Variants in AHI1 observed in about 807,000 individuals in gnomAD.
AHI1 encodes Abelson helper integration site 1.
A neutral mutation model predicts 149.3 loss-of-function variants in AHI1; 123 were observed. The observed-to-expected ratio is 0.82, with a 90% CI of 0.71 to 0.96. The LOEUF (loss-of-function observed/expected upper bound fraction) is 0.96. Among genes scored for constraint, AHI1 ranks in the 40% least tolerant of loss-of-function variants. The probability of loss-of-function intolerance (pLI) is 0.00; values close to 1 mark genes in which losing one functional copy is unlikely to be tolerated. For synonymous variants in AHI1, 475 were observed against 459.8 expected (o/e 1.03, Z -0.42); for missense variants, 1,439 against 1,422.7 (o/e 1.01, Z -0.18).
At chr6:135,320,641 T>C (rs555308546) in intron 25 of AHI1, among the ~76,000 whole-genome samples, 1 of 152,318 alleles carries the variant, frequency 6.6e-6, no homozygotes, top group African/African-American at 2.4e-5. Context: ...CCTCTCAAGA[T>C]CTGCAAGCCT....
intron 23 of AHI1, among the ~76,000 whole-genome samples, chr6:135,378,069 GA>G (rs1776204145): frequency 6.6e-6 from 1 of 151,952 alleles, no homozygotes; most frequent in African/African-American, 2.4e-5. Flanking sequence ...TTTACAATTA[GA>G]AAAAAACATA....
intron 24 of AHI1, among the ~76,000 whole-genome samples, chr6:135,327,229 A>T (rs1787842663): frequency 6.6e-6 from 1 of 152,176 alleles, no homozygotes; most frequent in Non-Finnish European, 1.5e-5. Context: ...TGAACCACTT[A>T]CTACCACCCC....
At chr6:135,339,149 C>T (rs1490825707) in intron 24 of AHI1, among the ~76,000 whole-genome samples, 2 of 152,112 alleles carry the variant, frequency 1.3e-5, no homozygotes, top group Non-Finnish European at 1.5e-5. Flanking sequence ...ATCCCTAGGG[C>T]ATTTGTCAAA....
chr6:135,332,181 T>C (rs2128399479), intron 24 of AHI1, among the ~76,000 whole-genome samples: 1 of 151,870 alleles, frequency 6.6e-6, no homozygotes, highest in South Asian at 2.1e-4. Flanking sequence ...GCGATTTTCC[T>C]GCCTCAGCCT....
At chr6:135,480,860 T>C (rs1399990682) in intron 5 of AHI1, among the ~76,000 whole-genome samples, 1 of 152,208 alleles carries the variant, frequency 6.6e-6, no homozygotes, top group East Asian at 1.9e-4. Flanking sequence ...TAGATTCTCA[T>C]AGGAGCAACA....
intron 13 of AHI1, 96 bp from the exon 14 acceptor site, chr6:135,442,810 T>A: frequency 1.7e-6 from 2 of 1,157,346 alleles, no homozygotes; most frequent in Non-Finnish European, 2.4e-6. Context: ...TAAGTCCTTT[T>A]ATGATGCAGA....
At chr6:135,463,011 A>T in intron 8 of AHI1, 114 bp downstream of exon 8, 1 of 762,856 alleles carries the variant, frequency 1.3e-6, no homozygotes, top group East Asian at 2.7e-5. Context: ...AGTACCAAAT[A>T]TCCTATATTG....
intron 23 of AHI1, among the ~76,000 whole-genome samples, chr6:135,364,104 T>G (rs1284749316): frequency 4.0e-5 from 6 of 150,476 alleles, no homozygotes; most frequent in Non-Finnish European, 8.9e-5. Context: ...ACGAGGTGGC[T>G]GCCGGGCGGA....
At chr6:135,307,261 A>G (rs1052432464) in intron 26 of AHI1, 2 of 152,222 alleles carry the variant, frequency 1.3e-5, no homozygotes, top group Non-Finnish European at 2.9e-5. Context: ...TTATGTACCT[A>G]AAGGGGAACC....
At chr6:135,402,761 T>C in intron 22 of AHI1, among the ~76,000 whole-genome samples, 1 of 152,170 alleles carries the variant, frequency 6.6e-6, no homozygotes, top group East Asian at 1.9e-4. Flanking sequence ...TCCTTTTAAT[T>C]TTCTTAATAA....
chr6:135,292,872 T>C (rs190437318), intron 27 of AHI1, among the ~76,000 whole-genome samples: 87 of 152,164 alleles, frequency 5.7e-4, no homozygotes, highest in African/African-American at 1.9e-3. Flanking sequence ...ATTGAAGAGG[T>C]GGGAATACTT....
intron 9 of AHI1, 53 bp from the exon 10 acceptor site, chr6:135,455,979 G>A: frequency 1.6e-6 from 2 of 1,237,674 alleles, no homozygotes; most frequent in Non-Finnish European, 2.1e-6. Context: ...TTTGAGGTGA[G>A]AAAAAAATAT....
chr6:135,356,794 T>C (rs372711110), intron 24 of AHI1, among the ~76,000 whole-genome samples: 12 of 152,192 alleles, frequency 7.9e-5, no homozygotes, highest in African/African-American at 2.4e-4. Flanking sequence ...TAATTCCTCA[T>C]GTACTGGTCT....
rs375055094 is a variant in AHI1 at position 135,285,336 on chromosome 6, A to C, written c.*309T>G. On this transcript the variant is annotated 3_prime_UTR_variant, in exon 29 of 29. Transcript: ENST00000265602. ...TATTCACATTTGCTGAGTAGCAATT[A>C]CAGTGTTTTCTTCATTAGTTTTCCA... The C allele has an allele frequency of 8.0e-5, 36 of 450,240 alleles. 1 individual carries two copies. Among genetic ancestry groups the C allele is most frequent in the South Asian group, 4.0e-4 (13 of 32,222 alleles). 27.9% of individuals were successfully genotyped at this position (450,240 alleles called of 1,614,324 possible). A position where few individuals can be genotyped will look rare whatever the true frequency, so the allele number is the denominator to read the frequency against.
At chr6:135,443,483 G>A (rs1283817640) in intron 13 of AHI1, among the ~76,000 whole-genome samples, 1 of 152,070 alleles carries the variant, frequency 6.6e-6, no homozygotes, top group African/African-American at 2.4e-5. Flanking sequence ...TATTACAAAG[G>A]TCTTTGAATA....
At chr6:135,410,192 C>T (rs566755228) in intron 21 of AHI1, among the ~76,000 whole-genome samples, 3 of 152,088 alleles carry the variant, frequency 2.0e-5, no homozygotes, top group Non-Finnish European at 4.4e-5. Flanking sequence ...CATACCAAGA[C>T]CCTGTCTCTA....
chr6:135,343,802 A>G (rs1320671148), intron 24 of AHI1, among the ~76,000 whole-genome samples: 1 of 152,012 alleles, frequency 6.6e-6, no homozygotes, highest in African/African-American at 2.4e-5. Context: ...TAAAGCCCTC[A>G]TAAGAAAATC....
chr6:135,471,523 TA>T (rs1204183452), intron 5 of AHI1, among the ~76,000 whole-genome samples: 1 of 152,228 alleles, frequency 6.6e-6, no homozygotes, highest in African/African-American at 2.4e-5. Context: ...TGTACTGTAC[TA>T]TTTTTTTTAA....
chr6:135,389,595 T>C (rs972943226), intron 23 of AHI1, among the ~76,000 whole-genome samples: 1 of 152,226 alleles, frequency 6.6e-6, no homozygotes, highest in African/African-American at 2.4e-5. Context: ...ATGTCATCCC[T>C]ATCACCACAC....
Sources: gnomAD v4.1 joint callset for allele counts (sites outside exome capture counted in the v4.1 genomes callset) on GRCh38, gnomAD v4.1.1 for gene constraint, MANE v1.5 for transcripts, NCBI Gene and HGNC (gene_info 2026-07-23, HGNC 2026-07-21) for gene names.